Variants in PKD1L1 observed in about 807,000 individuals in gnomAD.
PKD1L1 encodes the protein polycystin-1-like protein 1.
In PKD1L1, 236 loss-of-function variants were observed where a neutral mutation model predicts 323.4. The ratio of observed to expected loss-of-function variants is 0.73; its 90% CI spans 0.66 to 0.81. The LOEUF (loss-of-function observed/expected upper bound fraction) is 0.81. Ranked by LOEUF, PKD1L1 falls within the 40% of genes least tolerant of loss-of-function variation. PKD1L1 has a pLI of 0.00. For missense variants in PKD1L1, 3,320 were observed against 3,508.0 expected, an observed-to-expected ratio of 0.95 and a Z score of 1.35; for synonymous variants, 1,344 against 1,335.0, an observed-to-expected ratio of 1.01 and a Z score of -0.15.
chr7:47,873,215 G>A (rs547907342), intron 24 of PKD1L1, among the ~76,000 whole-genome samples: 9 of 152,160 alleles, frequency 5.9e-5, no homozygotes, highest in South Asian at 2.1e-4. Flanking sequence ...AGGTTTTCAC[G>A]GGATGATGAA....
At chr7:47,833,892 C>T (rs11765736) in intron 40 of PKD1L1, among the ~76,000 whole-genome samples, 24,198 of 152,196 alleles carry the variant, frequency 0.16, 2,392 homozygotes, top group East Asian at 0.23. Context: ...AGACCTGGAA[C>T]GGAGCTCCCA....
intron 7 of PKD1L1, among the ~76,000 whole-genome samples, chr7:47,928,233 A>G (rs1348224454): frequency 6.6e-6 from 1 of 152,214 alleles, no homozygotes; most frequent in Non-Finnish European, 1.5e-5. Context: ...GTGGGAGTTT[A>G]CACCATGAGA....
chr7:47,882,208 T>C (rs1786573614), intron 19 of PKD1L1, 123 bp from the exon 20 acceptor site: 2 of 1,029,100 alleles, frequency 1.9e-6, no homozygotes, highest in African/African-American at 1.6e-5. Context: ...GCCTATCTAA[T>C]ATAATGTCTT....
At position 47,775,816 on chromosome 7, in the gene PKD1L1, GAA is replaced by G. The variant is rs61097863; in HGVS notation, c.8527-652_8527-651del. ...GCAGAAACCAGTGCTGTAGATAACA[GAA>G]AAAAAAAAAAAATAGAGAAAACGAA... On this transcript the variant is annotated intron_variant, in intron 56 of 56. Coordinates refer to ENST00000289672, the MANE Select transcript of PKD1L1 (RefSeq NM_138295.5). Among the ~76,000 whole-genome samples the G allele has an allele frequency of 6.6e-3, 873 of 132,498 alleles. 7 individuals carry two copies. Among genetic ancestry groups the G allele is most frequent in the African/African-American group, 0.021 (741 of 35,570 alleles). 86.9% of individuals were successfully genotyped at this position (132,498 alleles called of 152,430 possible).
At chr7:47,833,362 G>T in intron 40 of PKD1L1, 110 bp from the exon 41 acceptor site, 1 of 1,260,694 alleles carries the variant, frequency 7.9e-7, no homozygotes, top group Non-Finnish European at 1.1e-6. Flanking sequence ...GCCTGGCATG[G>T]GCGGGGTGTG....
At chr7:47,872,660 G>C (rs923368940) in intron 24 of PKD1L1, among the ~76,000 whole-genome samples, 4 of 152,160 alleles carry the variant, frequency 2.6e-5, no homozygotes, top group African/African-American at 9.7e-5. Flanking sequence ...ATACTAACTA[G>C]AACAGCTGTG....
rs759739549 is a variant in PKD1L1, at chr7:47,931,999, C to A, written c.456G>T (p.Arg152Ser). The change falls in exon 5 of 57, where the codon AGG becomes AGT. Residue 152 changes from arginine (R) to serine (S), a missense_variant. Coordinates refer to ENST00000289672, the MANE Select transcript of PKD1L1 (RefSeq NM_138295.5). ...TAGCACACAGCCGCCTGTGATGGAA[C>A]CTGGGGCCACCACTGCTCCAGGCCC... ...IARAWSSGGP[R>S]FHHRRLCATG... 135 of 1,614,096 alleles carry A rather than the reference C, an allele frequency of 8.4e-5. No homozygotes were observed. Among genetic ancestry groups the A allele is most frequent in the South Asian group, 1.3e-4 (12 of 91,070 alleles).
chr7:47,853,289 C>A (rs1169364367), intron 30 of PKD1L1, 62 bp from the exon 31 acceptor site: 3 of 1,188,574 alleles, frequency 2.5e-6, no homozygotes, highest in South Asian at 2.5e-5. Flanking sequence ...AGGTTTTAGT[C>A]AAATTTCTAT....
At chr7:47,948,264 C>T in intron 1 of PKD1L1, 133 bp downstream of exon 1, 2 of 1,028,246 alleles carry the variant, frequency 1.9e-6, no homozygotes, top group Non-Finnish European at 2.9e-6. Flanking sequence ...CCAAATGCAC[C>T]CTCCTGGTAC....
chr7:47,879,826 G>A (rs930719714), intron 21 of PKD1L1, among the ~76,000 whole-genome samples: 9 of 148,166 alleles, frequency 6.1e-5, no homozygotes, highest in East Asian at 3.9e-4. Flanking sequence ...CCAGCTATTC[G>A]GGAGGCTGAG....
chr7:47,785,555 A>G (rs1786787089), intron 56 of PKD1L1, among the ~76,000 whole-genome samples: 1 of 152,068 alleles, frequency 6.6e-6, no homozygotes, highest in African/African-American at 2.4e-5. Flanking sequence ...CTCCTTTTAC[A>G]GAGTAGGATG....
intron 24 of PKD1L1, among the ~76,000 whole-genome samples, chr7:47,869,427 T>G (rs191493330): frequency 1.5e-4 from 23 of 152,206 alleles, no homozygotes; most frequent in Middle Eastern, 3.4e-3. Flanking sequence ...GAAAGAGACA[T>G]GCAAACAGTA....
At chr7:47,862,428 G>A (rs1041668858) in intron 26 of PKD1L1, among the ~76,000 whole-genome samples, 9 of 152,098 alleles carry the variant, frequency 5.9e-5, no homozygotes, top group South Asian at 2.1e-4. Flanking sequence ...TCCAGCCCCC[G>A]TTCCTGTATC....
Position 47,794,575 on chromosome 7 carries a change from A to G in PKD1L1, c.8355+1414T>C, listed in dbSNP as rs944345927. 6.6e-5 allele frequency among the ~76,000 whole-genome samples: 10 copies of G among 152,210 alleles called. No homozygotes were observed. In the East Asian group the frequency reaches 1.9e-3, roughly 29 times the overall value. ...AGTTTTCTGCAGGGGCGGGGCCCTT[A>G]TGGAGAACTGCTAGGGCAGTGTGGA... On this transcript the variant is annotated intron_variant, in intron 55 of 56. Coordinates refer to ENST00000289672, the MANE Select transcript of PKD1L1 (RefSeq NM_138295.5).
chr7:47,950,510 G>T (rs1049355881), upstream of PKD1L1, among the ~76,000 whole-genome samples: 3 of 152,084 alleles, frequency 2.0e-5, no homozygotes, highest in African/African-American at 7.2e-5. Flanking sequence ...CAATTAAATA[G>T]AATTAAGAAT....
intron 13 of PKD1L1, 108 bp from the exon 14 acceptor site, chr7:47,898,302 G>A (rs1787005036): frequency 2.2e-6 from 2 of 905,802 alleles, no homozygotes; most frequent in Admixed American, 2.4e-5. Flanking sequence ...TTATTTGTTT[G>A]CATAGTGACA....
Position 47,839,591 on chromosome 7 carries a change from C to A in PKD1L1, c.5624G>T (p.Trp1875Leu), listed in dbSNP as rs1313172065. The A allele has an allele frequency of 6.2e-7, 1 of 1,600,028 alleles. No homozygotes were observed. Among genetic ancestry groups the A allele is most frequent in the Non-Finnish European group, 8.5e-7 (1 of 1,173,644 alleles). Reference protein sequence around the residue: ...WHDSRGPSPGWFISHVMVKEL... With the variant: ...WHDSRGPSPGLFISHVMVKEL... Reference sequence around the variant, plus strand: ...CTTCACCATCACGTGGCTGATGAACCAGCCTGGGGAAGGCCCACGGCTGTC... The same window carrying A: ...CTTCACCATCACGTGGCTGATGAACAAGCCTGGGGAAGGCCCACGGCTGTC... The change falls in exon 36 of 57, where the codon TGG becomes TTG. Residue 1875 changes from tryptophan (W) to leucine (L), a missense_variant. Coordinates refer to ENST00000289672, the MANE Select transcript of PKD1L1 (RefSeq NM_138295.5). The surrounding 1 kb of genome is among the most constrained non-coding windows in gnomAD (Gnocchi z 4.3).
chr7:47,879,524 T>A (rs1341047745), intron 21 of PKD1L1, among the ~76,000 whole-genome samples: 1 of 149,154 alleles, frequency 6.7e-6, no homozygotes, highest in East Asian at 2.0e-4. Flanking sequence ...TCCCAGTTAC[T>A]CGGGAGGCTG....
chr7:47,814,041 A>T, intron 47 of PKD1L1, 27 bp from the exon 48 acceptor site: 1 of 1,598,772 alleles, frequency 6.3e-7, no homozygotes, highest in South Asian at 1.1e-5. Flanking sequence ...GATGATGAGG[A>T]CTGGGTGTGC....
Sources: gnomAD v4.1 joint callset for allele counts (sites outside exome capture counted in the v4.1 genomes callset) on GRCh38, gnomAD v4.1.1 for gene constraint, Gnocchi (gnomAD v3.1) non-coding constraint, MANE v1.5 for transcripts, NCBI Gene and HGNC (gene_info 2026-07-23, HGNC 2026-07-21) for gene names.